HIVEP3: variants seen among roughly 807,000 people sequenced by gnomAD.
HIVEP3 encodes HIVEP zinc finger 3, also known as transcription factor HIVEP3.
A neutral mutation model predicts 152.8 loss-of-function variants in HIVEP3; 49 were observed. The ratio of observed to expected loss-of-function variants is 0.32; its 90% CI spans 0.26 to 0.41. The LOEUF is 0.41. Among genes scored for constraint, HIVEP3 ranks in the 10% least tolerant of loss-of-function variants. HIVEP3 has a pLI of 1.00. For missense variants in HIVEP3, 2,790 were observed against 3,103.3 expected, an observed-to-expected ratio of 0.90 and a Z score of 2.40; for synonymous variants, 1,269 against 1,289.0, an observed-to-expected ratio of 0.98 and a Z score of 0.33.
At chr1:41,864,956 G>T (rs112284892) in intron 1 of HIVEP3, among the ~76,000 whole-genome samples, 69 of 152,298 alleles carry the variant, frequency 4.5e-4, no homozygotes, top group African/African-American at 1.3e-3. Flanking sequence ...GGGAGGTCTT[G>T]CAGAGATTAA....
intron 1 of HIVEP3, among the ~76,000 whole-genome samples, chr1:42,010,364 CTTTATATTTG>C (rs1168076494): frequency 6.6e-6 from 1 of 152,052 alleles, no homozygotes; most frequent in Non-Finnish European, 1.5e-5. Flanking sequence ...TTAGGAGATC[CTTTATATTTG>C]TTGCTGAAGG....
intron 2 of HIVEP3, among the ~76,000 whole-genome samples, chr1:41,634,293 T>C (rs1317215725): frequency 6.6e-6 from 1 of 152,156 alleles, no homozygotes. Context: ...TCCTATCTTG[T>C]TGGGAATTAG....
chr1:41,519,901 T>C (rs1390619094), intron 6 of HIVEP3, among the ~76,000 whole-genome samples: 1 of 151,898 alleles, frequency 6.6e-6, no homozygotes, highest in Non-Finnish European at 1.5e-5. Context: ...GAGAGCTGGA[T>C]GGGAGGACAG....
intron 1 of HIVEP3, among the ~76,000 whole-genome samples, chr1:41,765,924 T>G (rs1005814774): frequency 1.7e-4 from 26 of 152,338 alleles, no homozygotes; most frequent in African/African-American, 6.3e-4. Context: ...CTGCTCCTTC[T>G]TTCTCTCCAG....
intron 2 of HIVEP3, among the ~76,000 whole-genome samples, chr1:41,637,376 G>C (rs1645290936): frequency 6.6e-6 from 1 of 152,200 alleles, no homozygotes; most frequent in Non-Finnish European, 1.5e-5. Flanking sequence ...ATTCATTGTG[G>C]CTTTGTCTAT....
intron 3 of HIVEP3, among the ~76,000 whole-genome samples, chr1:41,602,269 G>C (rs922576939): frequency 6.6e-6 from 1 of 152,104 alleles, no homozygotes; most frequent in Non-Finnish European, 1.5e-5. Flanking sequence ...AAATGAGTTT[G>C]GAGGTGTTCC....
intron 1 of HIVEP3, among the ~76,000 whole-genome samples, chr1:41,854,158 T>C (rs1643686962): frequency 6.6e-6 from 1 of 151,346 alleles, no homozygotes; most frequent in South Asian, 2.1e-4. Context: ...TCTCTCTCTC[T>C]CTCTCTCAGT....
At chr1:41,896,736 G>A (rs1412361196) in intron 1 of HIVEP3, among the ~76,000 whole-genome samples, 12 of 151,830 alleles carry the variant, frequency 7.9e-5, no homozygotes, top group African/African-American at 2.4e-4. Context: ...CACCACACCC[G>A]GCTAATTTTT....
At chr1:41,739,145 G>A (rs531731600) in intron 1 of HIVEP3, among the ~76,000 whole-genome samples, 1 of 152,354 alleles carries the variant, frequency 6.6e-6, no homozygotes, top group South Asian at 2.1e-4. Context: ...AAAGCCCAAG[G>A]AGCCCGCGCC....
intron 1 of HIVEP3, among the ~76,000 whole-genome samples, chr1:41,727,848 C>A (rs1043196915): frequency 2.0e-5 from 3 of 152,188 alleles, no homozygotes; most frequent in African/African-American, 7.2e-5. Context: ...CTCTAGTACC[C>A]AGTTTCCTAT....
chr1:41,796,418 G>A (rs922806889), intron 1 of HIVEP3, among the ~76,000 whole-genome samples: 1 of 152,242 alleles, frequency 6.6e-6, no homozygotes, highest in African/African-American at 2.4e-5. Context: ...AGGCAGCCTT[G>A]CCCAGAGTTC....
chr1:41,837,961 G>A (rs1643174158), intron 1 of HIVEP3, among the ~76,000 whole-genome samples: 1 of 152,148 alleles, frequency 6.6e-6, no homozygotes, highest in Admixed American at 6.5e-5. Context: ...AAGCCTCAGT[G>A]CATTGCATAT....
chr1:41,925,891 G>A (rs1644965807), intron 1 of HIVEP3, among the ~76,000 whole-genome samples: 1 of 152,178 alleles, frequency 6.6e-6, no homozygotes, highest in Admixed American at 6.5e-5. Flanking sequence ...CTGTCTTATA[G>A]GAAGGTGTGG....
At chr1:41,944,742 C>G (rs749706799) in intron 1 of HIVEP3, among the ~76,000 whole-genome samples, 6 of 152,056 alleles carry the variant, frequency 3.9e-5, no homozygotes, top group Non-Finnish European at 7.4e-5. Flanking sequence ...TGGTGATGCA[C>G]CCTGGAAAGG....
intron 5 of HIVEP3, among the ~76,000 whole-genome samples, chr1:41,553,855 C>T (rs961934884): frequency 2.6e-5 from 4 of 152,190 alleles, no homozygotes; most frequent in Admixed American, 1.3e-4. Context: ...GGGTTTCTGC[C>T]GAGAGATCCA....
At chr1:41,808,271 C>G (rs1009700034) in intron 1 of HIVEP3, among the ~76,000 whole-genome samples, 2 of 152,256 alleles carry the variant, frequency 1.3e-5, no homozygotes, top group Admixed American at 6.5e-5. Context: ...GACCACTCAG[C>G]TGGGTTGCCC....
At chr1:41,798,981 G>T (rs1482129265) in intron 1 of HIVEP3, among the ~76,000 whole-genome samples, 1 of 152,130 alleles carries the variant, frequency 6.6e-6, no homozygotes, top group African/African-American at 2.4e-5. Flanking sequence ...ACAGCACTTA[G>T]CATCTCTCAC....
intron 5 of HIVEP3, among the ~76,000 whole-genome samples, chr1:41,565,258 G>T (rs368634427): frequency 1.8e-4 from 27 of 152,120 alleles, no homozygotes. Context: ...AATGGCAAAG[G>T]CTTTGGAGCC....
Position 41,894,302 on chromosome 1 carries a change from T to C in HIVEP3, c.-801+24111A>G, listed in dbSNP as rs577620218. Reference sequence around the variant, plus strand: ...GGGAAATTAAGTAAATTGTCCAAGATGACCCAGCTAGTAAGAGGAGGACAC... The same window carrying C: ...GGGAAATTAAGTAAATTGTCCAAGACGACCCAGCTAGTAAGAGGAGGACAC... On this transcript the variant is annotated intron_variant, in intron 1 of 8. Coordinates refer to ENST00000372583, the MANE Select transcript of HIVEP3 (RefSeq NM_024503.5). Among the ~76,000 whole-genome samples the C allele has an allele frequency of 2.8e-4, 42 of 152,198 alleles. 1 individual carries two copies. The highest frequency in any genetic ancestry group is 5.6e-4 in the Non-Finnish European group (38 of 68,032).
Sources: gnomAD v4.1 joint callset for allele counts (sites outside exome capture counted in the v4.1 genomes callset) on GRCh38, gnomAD v4.1.1 for gene constraint, MANE v1.5 for transcripts, NCBI Gene and HGNC (gene_info 2026-07-23, HGNC 2026-07-21) for gene names.